Variants in OR7C1 observed in about 807,000 individuals in gnomAD.
OR7C1 encodes olfactory receptor family 7 subfamily C member 1, also known as olfactory receptor 7C1.
For missense variants in OR7C1, 324 were observed against 383.3 expected (o/e 0.85, Z 1.29); for synonymous variants, 152 against 160.7 (o/e 0.95, Z 0.41).
intron 1 of OR7C1, among the ~76,000 whole-genome samples, chr19:14,820,931 G>C (rs912668667): frequency 6.6e-6 from 1 of 152,248 alleles, no homozygotes; most frequent in Admixed American, 6.5e-5. Flanking sequence ...TGAGAGAAAG[G>C]CCTGCCTCAT....
intron 2 of OR7C1, among the ~76,000 whole-genome samples, chr19:14,808,175 C>A (rs545597036): frequency 1.3e-5 from 2 of 151,044 alleles, no homozygotes; most frequent in African/African-American, 4.9e-5. Context: ...TTGGTGGGAA[C>A]GCAAATTAAT....
chr19:14,832,454 C>G (rs1168103325), intron 1 of OR7C1, among the ~76,000 whole-genome samples: 3 of 142,144 alleles, frequency 2.1e-5, no homozygotes, highest in South Asian at 2.3e-4. Flanking sequence ...TTTAATGGAG[C>G]CTTGCTCTGT....
chr19:14,807,917 G>A (rs1036224609), intron 2 of OR7C1, among the ~76,000 whole-genome samples: 1 of 150,930 alleles, frequency 6.6e-6, no homozygotes, highest in African/African-American at 2.4e-5. Context: ...CAAACAAACA[G>A]TCTTTAGAAG....
chr19:14,832,379 TTCCC>T (rs1354740545), intron 1 of OR7C1, among the ~76,000 whole-genome samples: 1 of 151,486 alleles, frequency 6.6e-6, no homozygotes, highest in Non-Finnish European at 1.5e-5. Flanking sequence ...TTTTCCCTCC[TTCCC>T]TCCCTCCCTC....
chr19:14,818,794 G>T (rs1198302451), intron 1 of OR7C1, among the ~76,000 whole-genome samples: 1 of 152,188 alleles, frequency 6.6e-6, no homozygotes, highest in Non-Finnish European at 1.5e-5. Flanking sequence ...GTCACACTGT[G>T]TATCTCCCTT....
chr19:14,802,795 G>T (rs984810720), intron 2 of OR7C1, among the ~76,000 whole-genome samples: 1 of 152,188 alleles, frequency 6.6e-6, no homozygotes. Context: ...TAGAGGTGAA[G>T]CTCTGTCGTT....
chr19:14,799,673 C>A (rs1378224615), exon 5 of OR7C1: 1 of 1,614,082 alleles, frequency 6.2e-7, no homozygotes, highest in Admixed American at 1.7e-5. Flanking sequence ...GAGCAGGGAA[C>A]CCATGACACT....
chr19:14,811,171 T>A (rs1026439990), intron 1 of OR7C1, among the ~76,000 whole-genome samples: 2 of 151,908 alleles, frequency 1.3e-5, no homozygotes, highest in Non-Finnish European at 2.9e-5. Flanking sequence ...CTGTGGCTGC[T>A]GTCACATGTA....
chr19:14,818,425 C>T (rs1004510373), intron 1 of OR7C1, among the ~76,000 whole-genome samples: 1 of 152,004 alleles, frequency 6.6e-6, no homozygotes, highest in African/African-American at 2.4e-5. Context: ...TATCTTTTCT[C>T]ATGCGGGTTA....
At chr19:14,802,380 C>CATG (rs2044646219) in intron 2 of OR7C1, among the ~76,000 whole-genome samples, 1 of 152,126 alleles carries the variant, frequency 6.6e-6, no homozygotes, top group Non-Finnish European at 1.5e-5. Flanking sequence ...ATGAGCTGGG[C>CATG]GTGGTGGCAC....
At chr19:14,822,373 C>A (rs905093800) in intron 1 of OR7C1, among the ~76,000 whole-genome samples, 21 of 67,724 alleles carry the variant, frequency 3.1e-4, no homozygotes, top group Non-Finnish European at 4.7e-4. Context: ...TATCTCCTGT[C>A]TTTTTTTTTT....
At chr19:14,827,920 CAA>C (rs1568253810) in intron 1 of OR7C1, 1 of 1,614,112 alleles carries the variant, frequency 6.2e-7, no homozygotes, top group Non-Finnish European at 8.5e-7. Context: ...TCAAATCCAG[CAA>C]AGAGTATGAA....
chr19:14,813,513 C>G, intron 1 of OR7C1, among the ~76,000 whole-genome samples: 1 of 152,074 alleles, frequency 6.6e-6, no homozygotes, highest in East Asian at 1.9e-4. Flanking sequence ...CAAGATTGTG[C>G]CACTGCACTC....
exon 5 of OR7C1, chr19:14,799,827 A>G: frequency 6.2e-7 from 1 of 1,611,160 alleles, no homozygotes; most frequent in Admixed American, 1.7e-5. Context: ...AATGAAGTGA[A>G]AAAAAAAATC....
At chr19:14,827,271 G>A (rs370878498) in intron 1 of OR7C1, 2 of 1,529,482 alleles carry the variant, frequency 1.3e-6, no homozygotes, top group Non-Finnish European at 8.7e-7. Flanking sequence ...CTGAAGCTTA[G>A]AGCCCTGCAA....
chr19:14,806,078 T>G (rs1368505892), intron 2 of OR7C1, among the ~76,000 whole-genome samples: 2 of 151,940 alleles, frequency 1.3e-5, no homozygotes, highest in Admixed American at 1.3e-4. Context: ...AGTCTAAATG[T>G]TCTTGTCACT....
chr19:14,832,380 T>C (rs2044841485), intron 1 of OR7C1, among the ~76,000 whole-genome samples: 1 of 151,094 alleles, frequency 6.6e-6, no homozygotes, highest in Admixed American at 6.6e-5. Flanking sequence ...TTTCCCTCCT[T>C]CCCTCCCTCC....
Position 14,800,163 on chromosome 19 carries a change from G to GA in OR7C1, c.-13-15dup, listed in dbSNP as rs1168186771. ...GGGATAAAATAACTGCCACAAGAGA[G>GA]AAAAAAGCAACAGTCAATTATCAAC... is the stretch of plus-strand genomic sequence containing the variant. On this transcript the variant is annotated splice_polypyrimidine_tract_variant and intron_variant, in intron 4 of 4. Transcript: ENST00000641666. 4 of 1,511,082 alleles carry GA rather than the reference G, an allele frequency of 2.6e-6. No individual in the cohort carries two copies. Among genetic ancestry groups the GA allele is most frequent in the Non-Finnish European group, 3.5e-6 (4 of 1,130,200 alleles). 93.6% of individuals were successfully genotyped at this position (1,511,082 alleles called of 1,614,324 possible). A position where few individuals can be genotyped will look rare whatever the true frequency, so the allele number is the denominator to read the frequency against.
intron 2 of OR7C1, among the ~76,000 whole-genome samples, chr19:14,801,531 A>G (rs759086500): frequency 4.6e-5 from 7 of 152,202 alleles, no homozygotes; most frequent in Admixed American, 6.5e-5. Context: ...ATTTTAGGAT[A>G]TATTTTGAAT....
Sources: allele counts gnomAD v4.1 joint callset (sites outside exome capture counted in the v4.1 genomes callset), GRCh38; gene constraint gnomAD v4.1.1; transcripts MANE v1.5; gene names NCBI Gene and HGNC (gene_info 2026-07-23, HGNC 2026-07-21).